The following TNFAIP8 variants were observed in gnomAD, a reference collection of about 807,000 sequenced individuals.
TNFAIP8 encodes TNF alpha induced protein 8, also known as tumor necrosis factor alpha-induced protein 8.
Under a neutral mutation model 13.3 loss-of-function variants are expected in TNFAIP8, and 7 were observed. The ratio of observed to expected loss-of-function variants is 0.52; its 90% CI spans 0.30 to 0.99. TNFAIP8 has a LOEUF of 0.99. Among genes scored for constraint, TNFAIP8 ranks in the 50% least tolerant of loss-of-function variants. TNFAIP8 has a pLI of 0.07. For synonymous variants in TNFAIP8, 94 were observed against 87.6 expected (o/e 1.07, Z -0.41); for missense variants, 258 against 236.9 (o/e 1.09, Z -0.58).
At chr5:119,340,420 C>T (rs557646807) in intron 1 of TNFAIP8, among the ~76,000 whole-genome samples, 50 of 152,320 alleles carry the variant, frequency 3.3e-4, no homozygotes, top group African/African-American at 1.1e-3. Flanking sequence ...GCCCTGCTCC[C>T]GGGAGGCTGG....
intron 1 of TNFAIP8, among the ~76,000 whole-genome samples, chr5:119,298,503 TG>T (rs1255169709): frequency 4.0e-5 from 6 of 150,074 alleles, no homozygotes; most frequent in Admixed American, 1.3e-4. Flanking sequence ...CTTCCCTTTG[TG>T]GGTAACCCGA....
intron 1 of TNFAIP8, among the ~76,000 whole-genome samples, chr5:119,341,171 A>G (rs1016005406): frequency 1.3e-5 from 2 of 151,376 alleles, no homozygotes; most frequent in Non-Finnish European, 2.9e-5. Flanking sequence ...CTGTTGCTCA[A>G]TAACCCTCCA....
intron 1 of TNFAIP8, among the ~76,000 whole-genome samples, chr5:119,269,960 C>G (rs1253992844): frequency 6.6e-6 from 1 of 152,024 alleles, no homozygotes; most frequent in African/African-American, 2.4e-5. Context: ...TTTTAATAGT[C>G]TCTCTGAGTT....
chr5:119,399,198 T>G lies in TNFAIP8; in HGVS notation c.*5817T>G, dbSNP rs1753141104. 1 of 152,292 alleles carries G rather than the reference T, an allele frequency of 6.6e-6. No homozygotes were observed. Among genetic ancestry groups the G allele is most frequent in the East Asian group, 1.9e-4 (1 of 5,188 alleles). 9.4% of individuals were successfully genotyped at this position (152,292 alleles called of 1,614,324 possible). ...TTTTCAAACGCCACGTGTCAGGAAT[T>G]TGGCATGCCTTCCTCTGGGAGAGGC... On this transcript the variant is annotated 3_prime_UTR_variant, in exon 2 of 2. Transcript: ENST00000504771.
chr5:119,296,653 G>A (rs1749187258), intron 1 of TNFAIP8, among the ~76,000 whole-genome samples: 1 of 152,176 alleles, frequency 6.6e-6, no homozygotes. Context: ...AACGAATTAG[G>A]GAGGATTCCC....
intron 1 of TNFAIP8, among the ~76,000 whole-genome samples, chr5:119,289,888 A>G (rs1028967047): frequency 1.3e-5 from 2 of 152,210 alleles, no homozygotes; most frequent in African/African-American, 2.4e-5. Context: ...CTTTCACACT[A>G]CTAAGTCCTT....
intron 1 of TNFAIP8, among the ~76,000 whole-genome samples, chr5:119,348,226 T>G (rs1358138820): frequency 2.0e-5 from 3 of 152,168 alleles, no homozygotes; most frequent in Non-Finnish European, 4.4e-5. Context: ...TGGTAAGCAC[T>G]GGAAAGTTGC....
intron 1 of TNFAIP8, among the ~76,000 whole-genome samples, chr5:119,371,907 G>A (rs1484149720): frequency 6.6e-6 from 1 of 152,064 alleles, no homozygotes; most frequent in Non-Finnish European, 1.5e-5. Flanking sequence ...GGAGGCCGAA[G>A]CGGGCAGATC....
chr5:119,287,340 T>TA (rs35131683), intron 1 of TNFAIP8, among the ~76,000 whole-genome samples: 110,154 of 143,100 alleles, frequency 0.77, 44,056 homozygotes, highest in East Asian at 0.95. Context: ...AATTGACACA[T>TA]AAAAATTGTA....
chr5:119,295,479 G>C (rs10463466), intron 1 of TNFAIP8, among the ~76,000 whole-genome samples: 2 of 151,456 alleles, frequency 1.3e-5, no homozygotes, highest in African/African-American at 4.9e-5. Context: ...GTTCTGTTCT[G>C]TTGATCTATA....
At chr5:119,306,527 T>C (rs1318961578) in intron 1 of TNFAIP8, 2 of 152,176 alleles carry the variant, frequency 1.3e-5, no homozygotes, top group East Asian at 1.9e-4. Flanking sequence ...GAACTTAGTG[T>C]GGACGCCTGA....
chr5:119,312,127 T>A (rs1307641451), intron 1 of TNFAIP8, among the ~76,000 whole-genome samples: 1 of 152,166 alleles, frequency 6.6e-6, no homozygotes, highest in East Asian at 1.9e-4. Flanking sequence ...CATGCTTATT[T>A]GGTATTTAAA....
At chr5:119,387,741 A>C (rs1323249020) in intron 1 of TNFAIP8, among the ~76,000 whole-genome samples, 2 of 152,218 alleles carry the variant, frequency 1.3e-5, no homozygotes, top group Admixed American at 1.3e-4. Context: ...CCTTACAGCA[A>C]ATGTTGCTGA....
At chr5:119,372,336 A>G (rs1752112824) in intron 1 of TNFAIP8, among the ~76,000 whole-genome samples, 2 of 151,126 alleles carry the variant, frequency 1.3e-5, no homozygotes, top group Non-Finnish European at 1.5e-5. Context: ...AAAAAAAAAA[A>G]AAAGAATACT....
chr5:119,342,009 T>G (rs537852712), intron 1 of TNFAIP8, among the ~76,000 whole-genome samples: 4 of 152,320 alleles, frequency 2.6e-5, no homozygotes, highest in African/African-American at 9.6e-5. Context: ...TTTCTGTATC[T>G]CTGTTTCCTA....
intron 1 of TNFAIP8, among the ~76,000 whole-genome samples, chr5:119,313,846 T>C (rs1041604949): frequency 1.3e-5 from 2 of 152,256 alleles, no homozygotes; most frequent in Non-Finnish European, 2.9e-5. Flanking sequence ...ACTTAGCTTT[T>C]GAATTAAGTG....
intron 1 of TNFAIP8, among the ~76,000 whole-genome samples, chr5:119,367,811 G>A (rs1178204905): frequency 1.3e-5 from 2 of 152,106 alleles, no homozygotes; most frequent in Non-Finnish European, 2.9e-5. Flanking sequence ...GAGTGTTAAA[G>A]TTCAAAGCCT....
intron 1 of TNFAIP8, among the ~76,000 whole-genome samples, chr5:119,372,756 TC>T (rs1391698701): frequency 1.3e-5 from 2 of 152,136 alleles, no homozygotes; most frequent in African/African-American, 4.8e-5. Flanking sequence ...GGTCAGGAGT[TC>T]GAGACCAGAC....
chr5:119,384,394 A>G (rs1372279233), intron 1 of TNFAIP8, among the ~76,000 whole-genome samples: 1 of 152,160 alleles, frequency 6.6e-6, no homozygotes, highest in East Asian at 1.9e-4. Flanking sequence ...GAGGCAGGAC[A>G]GTTGCTTGAA....
Sources: allele counts gnomAD v4.1 joint callset (sites outside exome capture counted in the v4.1 genomes callset), GRCh38; gene constraint gnomAD v4.1.1; transcripts MANE v1.5; gene names NCBI Gene and HGNC (gene_info 2026-07-23, HGNC 2026-07-21).